Variants in ACAP2 observed in about 807,000 individuals in gnomAD.
The protein encoded by ACAP2 is arf-GAP with coiled-coil, ANK repeat and PH domain-containing protein 2.
ACAP2 carries 39 observed loss-of-function variants against 115.8 expected under a neutral mutation model. The observed-to-expected ratio is 0.34, with a 90% confidence interval of 0.26 to 0.44. The LOEUF is 0.44. Among genes scored for constraint, ACAP2 ranks in the 20% least tolerant of loss-of-function variants. The probability of loss-of-function intolerance (pLI) is 1.00; values close to 1 mark genes in which losing one functional copy is unlikely to be tolerated. For synonymous variants in ACAP2, 289 were observed against 315.8 expected (o/e 0.92, Z 0.90); for missense variants, 662 against 927.6 (o/e 0.71, Z 3.72).
At chr3:195,297,072 C>G in intron 16 of ACAP2, 118 bp downstream of exon 16, 1 of 802,300 alleles carries the variant, frequency 1.2e-6, no homozygotes, top group Non-Finnish European at 2.0e-6. Flanking sequence ...AACATTCGAA[C>G]AGAAGTGGTA....
chr3:195,417,662 CAACAG>C (rs1426576511), intron 1 of ACAP2, among the ~76,000 whole-genome samples: 1 of 152,108 alleles, frequency 6.6e-6, no homozygotes, highest in Non-Finnish European at 1.5e-5. Context: ...AAGAAACTGT[CAACAG>C]CTGGGTACAG....
intron 1 of ACAP2, among the ~76,000 whole-genome samples, chr3:195,420,303 T>C (rs1714073589): frequency 6.6e-6 from 1 of 152,186 alleles, no homozygotes. Context: ...TTGGAGGACT[T>C]TTTGAATTAT....
At chr3:195,321,254 G>A (rs1376770133) in intron 9 of ACAP2, among the ~76,000 whole-genome samples, 24 of 120,616 alleles carry the variant, frequency 2.0e-4, no homozygotes, top group African/African-American at 2.7e-4. Flanking sequence ...ACAGAGTCTC[G>A]CTCTGCTGCC....
At chr3:195,354,462 T>A (rs191294760) in intron 4 of ACAP2, among the ~76,000 whole-genome samples, 8 of 152,372 alleles carry the variant, frequency 5.3e-5, no homozygotes, top group African/African-American at 1.9e-4. Context: ...ATATGAGTGT[T>A]AGCCACATGT....
chr3:195,430,979 C>A (rs954727543), intron 1 of ACAP2, among the ~76,000 whole-genome samples: 1 of 151,984 alleles, frequency 6.6e-6, no homozygotes, highest in African/African-American at 2.4e-5. Flanking sequence ...CAACCATTAC[C>A]ACTAACTCCA....
chr3:195,391,505 C>A (rs1331111788), intron 2 of ACAP2, among the ~76,000 whole-genome samples: 1 of 151,842 alleles, frequency 6.6e-6, no homozygotes, highest in African/African-American at 2.4e-5. Flanking sequence ...GGATTACAGG[C>A]GTGAGCCACC....
rs1200066166 is a variant in ACAP2 at position 195,378,507 on chromosome 3, C to G, written c.285+2502G>C. Among the ~76,000 whole-genome samples the G allele has an allele frequency of 2.4e-5, 3 of 126,552 alleles. No homozygotes were observed. In the Admixed American group the frequency reaches 2.4e-4, roughly 10 times the overall value. The allele number at this position is 126,552 out of a possible 152,430, so 83.0% of individuals were successfully genotyped here. A position where few individuals can be genotyped will look rare whatever the true frequency, so the allele number is the denominator to read the frequency against. On this transcript the variant is annotated intron_variant, in intron 4 of 22. Transcript: ENST00000326793. ...CTCCGTCTCAAAACAAAAAACAAAA[C>G]AAACAAACAAAAAAAAACAAAAAAA... is the stretch of plus-strand genomic sequence containing the variant.
chr3:195,430,128 G>T (rs1045443678), intron 1 of ACAP2, among the ~76,000 whole-genome samples: 3 of 152,168 alleles, frequency 2.0e-5, no homozygotes, highest in Admixed American at 6.5e-5. Flanking sequence ...GTTCTCTAAT[G>T]ATTTGTTTCT....
intron 10 of ACAP2, among the ~76,000 whole-genome samples, chr3:195,315,255 A>G (rs574994770): frequency 6.6e-6 from 1 of 152,352 alleles, no homozygotes; most frequent in East Asian, 1.9e-4. Context: ...TCCTGGGCTC[A>G]GGCAATCTGC....
At chr3:195,428,529 T>C (rs1714862881) in intron 1 of ACAP2, among the ~76,000 whole-genome samples, 1 of 152,102 alleles carries the variant, frequency 6.6e-6, no homozygotes, top group South Asian at 2.1e-4. Context: ...TAAAATTGCC[T>C]ACAGTATTCA....
Position 195,372,234 on chromosome 3 carries a change from C to T in ACAP2, c.285+8775G>A, listed in dbSNP as rs549867305. On this transcript the variant is annotated intron_variant, in intron 4 of 22. Coordinates refer to ENST00000326793, the MANE Select transcript of ACAP2 (RefSeq NM_012287.6). ...AAAATGTCAAGAACTTTGTTAATTT[C>T]CAAAGCAGAACAAGAAACAGAAAAG... 6.6e-5 allele frequency among the ~76,000 whole-genome samples: 10 copies of T among 152,266 alleles called. No homozygotes were observed. The South Asian group carries it at 1.9e-3, about 28-fold the overall frequency.
intron 4 of ACAP2, among the ~76,000 whole-genome samples, chr3:195,375,793 G>A (rs565147161): frequency 6.6e-6 from 1 of 152,300 alleles, no homozygotes; most frequent in East Asian, 1.9e-4. Context: ...AGGCAACAGA[G>A]CAAGACCCTG....
intron 1 of ACAP2, among the ~76,000 whole-genome samples, chr3:195,395,691 C>G (rs1711705023): frequency 6.6e-6 from 1 of 152,188 alleles, no homozygotes; most frequent in African/African-American, 2.4e-5. Flanking sequence ...AAAATATTTA[C>G]TATCTGGCCC....
At chr3:195,283,569 A>G (rs1193969238) in intron 22 of ACAP2, among the ~76,000 whole-genome samples, 3 of 152,216 alleles carry the variant, frequency 2.0e-5, no homozygotes, top group Non-Finnish European at 4.4e-5. Flanking sequence ...TGATAGAAAA[A>G]TGTACAGTGA....
chr3:195,283,830 T>A (rs1272709688), intron 22 of ACAP2, among the ~76,000 whole-genome samples: 1 of 152,208 alleles, frequency 6.6e-6, no homozygotes, highest in African/African-American at 2.4e-5. Context: ...TCTGGTCTAT[T>A]TTTTAACCTC....
chr3:195,407,130 T>C (rs1211311068), intron 1 of ACAP2, among the ~76,000 whole-genome samples: 1 of 151,894 alleles, frequency 6.6e-6, no homozygotes, highest in African/African-American at 2.4e-5. Flanking sequence ...AAAAATGCAG[T>C]TAAATAATTC....
chr3:195,329,112 A>G (rs1730006829), intron 8 of ACAP2, among the ~76,000 whole-genome samples: 1 of 152,058 alleles, frequency 6.6e-6, no homozygotes, highest in African/African-American at 2.4e-5. Flanking sequence ...AGAAAAAAGA[A>G]ATGTCTCTTG....
chr3:195,408,916 C>A (rs140931926), intron 1 of ACAP2, among the ~76,000 whole-genome samples: 1 of 151,962 alleles, frequency 6.6e-6, no homozygotes, highest in African/African-American at 2.4e-5. Context: ...GATAAAAACA[C>A]TTAACAAAAA....
At position 195,278,350 on chromosome 3, in the gene ACAP2, T is replaced by TG. The variant is rs1257104080; in HGVS notation, c.*977dup. On this transcript the variant is annotated 3_prime_UTR_variant, in exon 23 of 23. Coordinates refer to ENST00000326793, the MANE Select transcript of ACAP2 (RefSeq NM_012287.6). ...TATTTTAGTATTAACTAAGAATAAG[T>TG]GGGGTTCTTTTTCTCCTTTGTACAG... 3 of 152,058 alleles carry TG rather than the reference T, an allele frequency of 2.0e-5. No homozygotes were observed. The highest frequency in any genetic ancestry group is 1.3e-4 in the Admixed American group (2 of 15,270). The allele number at this position is 152,058 out of a possible 1,614,324, so 9.4% of individuals were successfully genotyped here.
Sources: gnomAD v4.1 joint callset for allele counts (sites outside exome capture counted in the v4.1 genomes callset) on GRCh38, gnomAD v4.1.1 for gene constraint, MANE v1.5 for transcripts, NCBI Gene and HGNC (gene_info 2026-07-23, HGNC 2026-07-21) for gene names.